Variants in CHODL observed in about 807,000 individuals in gnomAD.
CHODL encodes transmembrane protein MT75.
A neutral mutation model predicts 34.5 loss-of-function variants in CHODL; 29 were observed. That is an observed-to-expected ratio of 0.84 (90% CI 0.63 to 1.15). The LOEUF is 1.15. Among genes scored for constraint, CHODL ranks in the 50% most tolerant of loss-of-function variants. The pLI is 0.00. For missense variants in CHODL, 332 were observed against 332.5 expected, an observed-to-expected ratio of 1.00 and a Z score of 0.01; for synonymous variants, 125 against 116.1, an observed-to-expected ratio of 1.08 and a Z score of -0.49.
At chr21:18,239,697 A>G (rs2074063309) in intron 2 of CHODL, among the ~76,000 whole-genome samples, 1 of 152,168 alleles carries the variant, frequency 6.6e-6, no homozygotes, top group African/African-American at 2.4e-5. Context: ...AAATTCATTT[A>G]CAGTTTTATG....
chr21:17,917,930 A>G (rs373381493), intron 1 of CHODL, among the ~76,000 whole-genome samples: 2 of 151,664 alleles, frequency 1.3e-5, no homozygotes, highest in Admixed American at 6.6e-5. Flanking sequence ...TTGAAGCTAA[A>G]CTCTAAAGGA....
At chr21:18,238,397 G>C (rs1193882790) in intron 2 of CHODL, among the ~76,000 whole-genome samples, 1 of 152,058 alleles carries the variant, frequency 6.6e-6, no homozygotes, top group African/African-American at 2.4e-5. Context: ...TGAGAAAGAT[G>C]CAAAACAGGA....
chr21:17,983,748 T>C (rs78155359), intron 1 of CHODL, among the ~76,000 whole-genome samples: 2,056 of 152,340 alleles, frequency 0.013, 39 homozygotes, highest in African/African-American at 0.047. Context: ...GACATCTCTA[T>C]TGAGGTATAA....
At chr21:18,187,333 T>C (rs2073455379) in intron 2 of CHODL, among the ~76,000 whole-genome samples, 1 of 152,158 alleles carries the variant, frequency 6.6e-6, no homozygotes, top group Non-Finnish European at 1.5e-5. Context: ...TCCTGGACTG[T>C]ATGTCCCATG....
In CHODL at chr21:18,157,801, T is replaced by C. The variant is rs147760028; in HGVS notation, c.-44-98708T>C. The stretch of plus-strand genomic sequence containing the variant: ...ATAGATTATACAACTCTATTCAATT[T>C]GACATATACCAAATGGTCATAATCT... On this transcript the variant is annotated intron_variant, in intron 2 of 6. Transcript: ENST00000400127. Among the ~76,000 whole-genome samples the C allele has an allele frequency of 2.7e-3, 414 of 152,336 alleles. 2 individuals are homozygous for C. The highest frequency in any genetic ancestry group is 9.5e-3 in the African/African-American group (397 of 41,578).
At chr21:18,084,772 C>G (rs889295110) in intron 2 of CHODL, among the ~76,000 whole-genome samples, 5 of 152,056 alleles carry the variant, frequency 3.3e-5, no homozygotes, top group Admixed American at 3.3e-4. Context: ...CTGTAAATGT[C>G]TGTTAAGTTT....
chr21:18,068,248 G>T (rs1368111484), intron 2 of CHODL, among the ~76,000 whole-genome samples: 1 of 150,938 alleles, frequency 6.6e-6, no homozygotes, highest in Non-Finnish European at 1.5e-5. Flanking sequence ...CCAGGCTGGA[G>T]TGCAGTGGTG....
chr21:18,086,941 G>C (rs906850689), intron 2 of CHODL, among the ~76,000 whole-genome samples: 1 of 152,168 alleles, frequency 6.6e-6, no homozygotes, highest in Admixed American at 6.5e-5. Context: ...CAGTGGCAGT[G>C]GTTAGAGCAA....
intron 2 of CHODL, among the ~76,000 whole-genome samples, chr21:18,143,001 T>G (rs963324890): frequency 6.6e-6 from 1 of 152,210 alleles, no homozygotes; most frequent in Non-Finnish European, 1.5e-5. Flanking sequence ...TGAGCTATAG[T>G]TTAGATTCCA....
At chr21:18,265,019 C>T (rs1445303682) in intron 5 of CHODL, among the ~76,000 whole-genome samples, 1 of 151,704 alleles carries the variant, frequency 6.6e-6, no homozygotes, top group Non-Finnish European at 1.5e-5. Flanking sequence ...ACTCAAGGAG[C>T]AAAATGATTT....
chr21:18,243,547 AT>A (rs113607712), upstream of CHODL, among the ~76,000 whole-genome samples: 3,114 of 144,234 alleles, frequency 0.022, 63 homozygotes, highest in African/African-American at 0.059. Flanking sequence ...TTAGAATTCT[AT>A]TTTTTTTTTT....
At chr21:18,061,189 G>C (rs543440542) in intron 2 of CHODL, among the ~76,000 whole-genome samples, 3 of 152,148 alleles carry the variant, frequency 2.0e-5, no homozygotes, top group Non-Finnish European at 4.4e-5. Context: ...GCCAGAAAGC[G>C]AAAAGCAAAT....
chr21:17,972,395 A>G (rs1166690066), intron 1 of CHODL, among the ~76,000 whole-genome samples: 3 of 152,204 alleles, frequency 2.0e-5, no homozygotes, highest in African/African-American at 2.4e-5. Context: ...AGAAAACCCC[A>G]TTGTCTCAGC....
intron 1 of CHODL, among the ~76,000 whole-genome samples, chr21:17,945,146 A>G (rs2063396146): frequency 6.6e-6 from 1 of 150,556 alleles, no homozygotes; most frequent in Non-Finnish European, 1.5e-5. Flanking sequence ...TGGGAGGCGG[A>G]GCTTGCAGTG....
chr21:17,986,734 G>A (rs1034035664), intron 1 of CHODL, among the ~76,000 whole-genome samples: 4 of 152,254 alleles, frequency 2.6e-5, no homozygotes, highest in African/African-American at 9.6e-5. Flanking sequence ...TTGAGGAATC[G>A]CCACACTGTC....
intron 2 of CHODL, among the ~76,000 whole-genome samples, chr21:18,223,981 G>C (rs1024618066): frequency 6.6e-6 from 1 of 152,136 alleles, no homozygotes; most frequent in East Asian, 1.9e-4. Context: ...AGTTGCTGGA[G>C]GGAAATAGCT....
chr21:18,265,322 T>TATA (rs36075764), intron 5 of CHODL, among the ~76,000 whole-genome samples: 1 of 151,016 alleles, frequency 6.6e-6, no homozygotes, highest in African/African-American at 2.4e-5. Context: ...TATATATATA[T>TATA]GATGGAATAC....
intron 2 of CHODL, among the ~76,000 whole-genome samples, chr21:18,058,880 T>A (rs959653283): frequency 6.6e-6 from 1 of 152,180 alleles, no homozygotes; most frequent in African/African-American, 2.4e-5. Context: ...ATTCAGTGCC[T>A]GATTGTCTTT....
At chr21:18,127,672 G>GTT (rs71318127) in intron 2 of CHODL, among the ~76,000 whole-genome samples, 3,063 of 70,000 alleles carry the variant, frequency 0.044, 480 homozygotes, top group Non-Finnish European at 0.052. Context: ...CGTTGCCATT[G>GTT]TTTTTTTTTT....
Sources: allele counts gnomAD v4.1 joint callset (sites outside exome capture counted in the v4.1 genomes callset), GRCh38; gene constraint gnomAD v4.1.1; transcripts MANE v1.5; gene names NCBI Gene and HGNC (gene_info 2026-07-23, HGNC 2026-07-21).